The following SAG variants were observed in gnomAD, a reference collection of about 807,000 sequenced individuals.
SAG encodes the protein S-antigen visual arrestin.
SAG carries 45 observed loss-of-function variants against 55.0 expected under a neutral mutation model. The ratio of observed to expected loss-of-function variants is 0.82; its 90% confidence interval spans 0.64 to 1.05. The LOEUF (loss-of-function observed/expected upper bound fraction) is 1.05, where lower values mean the gene tolerates loss of function less well. SAG is among the 50% of genes least tolerant of loss of function. SAG has a pLI of 0.00. For missense variants in SAG, 455 were observed against 512.1 expected (o/e 0.89, Z 1.08); for synonymous variants, 189 against 197.4 (o/e 0.96, Z 0.36).
At chr2:233,329,612 C>A in intron 9 of SAG, 35 bp downstream of exon 9, 3 of 1,385,930 alleles carry the variant, frequency 2.2e-6, no homozygotes, top group South Asian at 2.4e-5. Flanking sequence ...AGGGCATAGT[C>A]TTCTAGAATT....
intron 7 of SAG, chr2:233,328,236 C>T (rs893673495): frequency 1.6e-5 from 7 of 439,818 alleles, no homozygotes; most frequent in Non-Finnish European, 2.4e-5. Context: ...GCTTGGCCCT[C>T]GGGATGTTGC....
intron 10 of SAG, chr2:233,334,427 T>A (rs1056423094): frequency 6.6e-6 from 1 of 152,442 alleles, no homozygotes; most frequent in Non-Finnish European, 1.5e-5. Context: ...ATGAAGAAGA[T>A]CCAGTAGAGA....
intron 6 of SAG, among the ~76,000 whole-genome samples, chr2:233,324,547 C>T (rs758717166): frequency 4.6e-5 from 7 of 152,162 alleles, no homozygotes; most frequent in Non-Finnish European, 1.0e-4. Context: ...GAATGACAGG[C>T]GCTGACTTTC....
rs10172939 is a variant in SAG, at chr2:233,315,826, T to C, written c.76-249T>C. 0.5 allele frequency among the ~76,000 whole-genome samples: 75,268 copies of C among 151,218 alleles called. 19,440 individuals are homozygous for C. Among genetic ancestry groups the C allele is most frequent in the South Asian group, 0.67 (3,215 of 4,782 alleles). On this transcript the variant is annotated intron_variant, in intron 2 of 15. Transcript: ENST00000409110. ...TAACTGATTCTCCTGCCTCAGCCTC[T>C]TGAGTAGCTGGGACTACAGGCGCGT...
intron 5 of SAG, 105 bp downstream of exon 5, chr2:233,320,928 C>A: frequency 1.0e-6 from 1 of 977,068 alleles, no homozygotes; most frequent in Non-Finnish European, 1.5e-6. Flanking sequence ...CATCTGCAGG[C>A]CTGGAAATTG....
At position 233,340,796 on chromosome 2, in the gene SAG, A is replaced by G. The variant is rs916281215; in HGVS notation, c.1046+318A>G. Among the ~76,000 whole-genome samples, 1 of 152,116 alleles carries G rather than the reference A, an allele frequency of 6.6e-6. No homozygotes were observed. The highest frequency in any genetic ancestry group is 2.4e-5 in the African/African-American group (1 of 41,424). Reference sequence around the variant, plus strand: ...TTGTGTGCGGTAAAATACACATAACATAAATTTTACCATTATATTATTTAT... The same window carrying G: ...TTGTGTGCGGTAAAATACACATAACGTAAATTTTACCATTATATTATTTAT... On this transcript the variant is annotated intron_variant, in intron 13 of 15. Coordinates refer to ENST00000409110, the MANE Select transcript of SAG (RefSeq NM_000541.5). The surrounding 1 kb of genome is among the most constrained non-coding windows in gnomAD (Gnocchi z 4.2).
At position 233,340,082 on chromosome 2, in the gene SAG, G is replaced by A. The variant is rs572578740; in HGVS notation, c.1023-373G>A. The stretch of plus-strand genomic sequence containing the variant: ...AGCAATTCCCCTGCCTCAGCCTCCC[G>A]AGTAGCTAAGATTACAGGCGCCTGC... On this transcript the variant is annotated intron_variant, in intron 12 of 15. Transcript: ENST00000409110. This position sits in a 1 kb window ranked among gnomAD's most constrained non-coding sequence, Gnocchi z 4.2. 3.1e-4 allele frequency among the ~76,000 whole-genome samples: 47 copies of A among 151,896 alleles called. No homozygotes were observed. Among genetic ancestry groups the A allele is most frequent in the African/African-American group, 1.0e-3 (43 of 41,428 alleles).
Position 233,340,393 on chromosome 2 carries a change from A to C in SAG, c.1023-62A>C. On this transcript the variant is annotated intron_variant, in intron 12 of 15. Coordinates refer to ENST00000409110, the MANE Select transcript of SAG (RefSeq NM_000541.5). This position sits in a 1 kb window ranked among gnomAD's most constrained non-coding sequence, Gnocchi z 4.2. ...CTGGGCTGTGTCCTGCCTCTGAATCATGGGAAAGGGTCGTGTTACCACTGT... is the reference window on the plus strand; with the variant it reads ...CTGGGCTGTGTCCTGCCTCTGAATCCTGGGAAAGGGTCGTGTTACCACTGT... The C allele has an allele frequency of 6.6e-7, 1 of 1,508,354 alleles. No individual in the cohort carries two copies. Among genetic ancestry groups the C allele is most frequent in the Admixed American group, 1.8e-5 (1 of 56,424 alleles). 93.4% of individuals were successfully genotyped at this position (1,508,354 alleles called of 1,614,324 possible).
At chr2:233,313,674 T>C (rs1700136861) in intron 2 of SAG, among the ~76,000 whole-genome samples, 1 of 150,326 alleles carries the variant, frequency 6.7e-6, no homozygotes, top group African/African-American at 2.5e-5. Flanking sequence ...GCTTCCCAAG[T>C]AGTTGAGACT....
At chr2:233,316,016 C>A in intron 2 of SAG, 59 bp from the exon 3 acceptor site, 1 of 1,055,942 alleles carries the variant, frequency 9.5e-7, no homozygotes, top group South Asian at 1.4e-5. Flanking sequence ...TGGTTTTTAT[C>A]ATGGATGCCT....
chr2:233,344,220 G>C (rs1701186839), intron 14 of SAG: 1 of 152,108 alleles, frequency 6.6e-6, no homozygotes, highest in Admixed American at 6.5e-5. Context: ...ACCCAGGCTG[G>C]AGTGCAGTGG....
At chr2:233,345,313 C>G (rs976233219) in intron 14 of SAG, 2 of 152,220 alleles carry the variant, frequency 1.3e-5, no homozygotes, top group African/African-American at 2.4e-5. Context: ...CACTCTAACC[C>G]TGGGGTGCTG....
intron 10 of SAG, 180 bp downstream of exon 10, chr2:233,331,892 A>G (rs921985047): frequency 1.6e-6 from 1 of 627,146 alleles, no homozygotes; most frequent in African/African-American, 1.8e-5. Flanking sequence ...TGCATCTACC[A>G]CACCCCTCTG....
At position 233,328,315 on chromosome 2, in the gene SAG, G is replaced by T. The variant is rs529764701; in HGVS notation, c.513-163G>T. The T allele has an allele frequency of 1.6e-5, 12 of 734,754 alleles. No homozygotes were observed. The African/African-American group carries it at 1.9e-4, about 12-fold the overall frequency. 45.5% of individuals were successfully genotyped at this position (734,754 alleles called of 1,614,324 possible). A position where few individuals can be genotyped will look rare whatever the true frequency, so the allele number is the denominator to read the frequency against. Reference sequence around the variant, plus strand: ...ACCCCCAGGCTCTTCCACCGTCAGGGCTGCCTCAGGCTCTGACCAGTGTCG... The same window carrying T: ...ACCCCCAGGCTCTTCCACCGTCAGGTCTGCCTCAGGCTCTGACCAGTGTCG... On this transcript the variant is annotated intron_variant, in intron 7 of 15. Coordinates refer to ENST00000409110, the MANE Select transcript of SAG (RefSeq NM_000541.5).
At position 233,310,765 on chromosome 2, in the gene SAG, C is replaced by T. The variant is rs532039315; in HGVS notation, c.75+1501C>T. ...CAGGTGATCCGCCCATCTTGGCCTCCCCAAGTGCTGAGATTACAGGTGTGA... is the reference window on the plus strand; with the variant it reads ...CAGGTGATCCGCCCATCTTGGCCTCTCCAAGTGCTGAGATTACAGGTGTGA... On this transcript the variant is annotated intron_variant, in intron 2 of 15. Coordinates refer to ENST00000409110, the MANE Select transcript of SAG (RefSeq NM_000541.5). Among the ~76,000 whole-genome samples, 1,005 of 152,182 alleles carry T rather than the reference C, an allele frequency of 6.6e-3. 6 individuals are homozygous for T. The highest frequency in any genetic ancestry group is 0.012 in the Non-Finnish European group (790 of 68,006).
intron 11 of SAG, among the ~76,000 whole-genome samples, chr2:233,337,299 C>G (rs1481257179): frequency 6.6e-6 from 1 of 151,970 alleles, no homozygotes; most frequent in African/African-American, 2.4e-5. Context: ...AGTGCAGTAG[C>G]GCGTTCTTGG....
At chr2:233,339,622 C>CA in intron 12 of SAG, among the ~76,000 whole-genome samples, 1 of 147,586 alleles carries the variant, frequency 6.8e-6, no homozygotes, top group Non-Finnish European at 1.5e-5. Context: ...TCAAGGAAAG[C>CA]AACCAGCAGG....
intron 6 of SAG, among the ~76,000 whole-genome samples, chr2:233,325,979 C>T (rs899462990): frequency 1.4e-4 from 22 of 152,100 alleles, no homozygotes; most frequent in African/African-American, 3.6e-4. Flanking sequence ...GTTGCAGAAC[C>T]AATAAATCCG....
In SAG at chr2:233,340,532, A is replaced by G. The variant is rs2125350682; in HGVS notation, c.1046+54A>G. 1 of 1,471,078 alleles carries G rather than the reference A, an allele frequency of 6.8e-7. No homozygotes were observed. The highest frequency in any genetic ancestry group is 1.2e-5 in the South Asian group (1 of 85,082). The allele number at this position is 1,471,078 out of a possible 1,614,324, so 91.1% of individuals were successfully genotyped here. A position where few individuals can be genotyped will look rare whatever the true frequency, so the allele number is the denominator to read the frequency against. ...TGTTTCTCAAGATATCAAAGGCAGCAAACTTGGGGCTCCAAAACGGTTTCT... is the reference window on the plus strand; with the variant it reads ...TGTTTCTCAAGATATCAAAGGCAGCGAACTTGGGGCTCCAAAACGGTTTCT... On this transcript the variant is annotated intron_variant, in intron 13 of 15. Coordinates refer to ENST00000409110, the MANE Select transcript of SAG (RefSeq NM_000541.5). The surrounding 1 kb of genome is among the most constrained non-coding windows in gnomAD (Gnocchi z 4.2).
Sources: allele counts gnomAD v4.1 joint callset (sites outside exome capture counted in the v4.1 genomes callset), GRCh38; gene constraint gnomAD v4.1.1; non-coding constraint Gnocchi (gnomAD v3.1); transcripts MANE v1.5; gene names NCBI Gene and HGNC (gene_info 2026-07-23, HGNC 2026-07-21).